Variants in BMPR1B observed in about 807,000 individuals in gnomAD.
BMPR1B encodes the protein bone morphogenetic protein receptor type 1B.
A neutral mutation model predicts 59.1 loss-of-function variants in BMPR1B; 12 were observed. That is an observed-to-expected ratio of 0.20 (90% CI 0.13 to 0.33). The LOEUF (loss-of-function observed/expected upper bound fraction) is 0.33. Among genes scored for constraint, BMPR1B ranks in the 10% least tolerant of loss-of-function variants. The pLI is 1.00. For synonymous variants in BMPR1B, 237 were observed against 207.3 expected (o/e 1.14, Z -1.23); for missense variants, 550 against 610.9 (o/e 0.90, Z 1.05).
chr4:94,822,432 A>G (rs776200393), intron 1 of BMPR1B, among the ~76,000 whole-genome samples: 1 of 152,180 alleles, frequency 6.6e-6, no homozygotes, highest in Non-Finnish European at 1.5e-5. Flanking sequence ...ATATTTCGTG[A>G]TGGTTGGGTA....
intron 2 of BMPR1B, among the ~76,000 whole-genome samples, chr4:94,962,187 G>A (rs1730396149): frequency 6.9e-6 from 1 of 145,328 alleles, no homozygotes; most frequent in South Asian, 2.3e-4. Flanking sequence ...ACCGAGGCTG[G>A]AGTGCGGTAG....
At chr4:94,758,683 TCTC>T (rs923586605) in intron 1 of BMPR1B, among the ~76,000 whole-genome samples, 32 of 152,126 alleles carry the variant, frequency 2.1e-4, no homozygotes, top group Admixed American at 1.6e-3. Context: ...GCCTGTCTCT[TCTC>T]CTCTCTCTCC....
At chr4:95,026,738 TCTCCCTCCCTGC>T (rs1461961017) in intron 3 of BMPR1B, among the ~76,000 whole-genome samples, 1 of 111,672 alleles carries the variant, frequency 9.0e-6, no homozygotes, top group Non-Finnish European at 1.7e-5. Context: ...TCCCCTCCCT[TCTCCCTCCCTGC>T]CTCCCTCTCT....
At chr4:95,063,183 C>T (rs1282570651) in intron 3 of BMPR1B, among the ~76,000 whole-genome samples, 4 of 152,112 alleles carry the variant, frequency 2.6e-5, no homozygotes, top group Admixed American at 2.6e-4. Context: ...CTTATAGTTA[C>T]AATAGCTATT....
At chr4:94,861,470 C>G (rs924730175) in intron 1 of BMPR1B, among the ~76,000 whole-genome samples, 1 of 152,012 alleles carries the variant, frequency 6.6e-6, no homozygotes, top group Non-Finnish European at 1.5e-5. Context: ...TGGTGTATTC[C>G]ATCCATCCTC....
chr4:95,119,364 C>T (rs1216061506), intron 6 of BMPR1B, among the ~76,000 whole-genome samples: 1 of 152,060 alleles, frequency 6.6e-6, no homozygotes, highest in East Asian at 1.9e-4. Flanking sequence ...TATTATGATA[C>T]CTTGAATTTA....
intron 2 of BMPR1B, among the ~76,000 whole-genome samples, chr4:94,971,063 G>A (rs1329392484): frequency 6.6e-6 from 1 of 152,114 alleles, no homozygotes; most frequent in East Asian, 1.9e-4. Context: ...ACCTAAAATG[G>A]TGGTGCAGCA....
intron 3 of BMPR1B, among the ~76,000 whole-genome samples, chr4:95,012,351 TTC>T (rs940289573): frequency 3.3e-5 from 5 of 152,218 alleles, no homozygotes; most frequent in Non-Finnish European, 7.3e-5. Context: ...CTAAGCAGGT[TTC>T]TGTCTAGATG....
At chr4:94,820,427 A>G (rs559759607) in intron 1 of BMPR1B, among the ~76,000 whole-genome samples, 14 of 152,232 alleles carry the variant, frequency 9.2e-5, no homozygotes, top group Admixed American at 7.2e-4. Context: ...CTGTCTTCCC[A>G]GTGGGACTGT....
intron 10 of BMPR1B, among the ~76,000 whole-genome samples, chr4:95,139,701 G>T (rs188739541): frequency 6.6e-6 from 1 of 151,622 alleles, no homozygotes; most frequent in Admixed American, 6.6e-5. Context: ...ATGGGCGTGG[G>T]ACCCTCCGAG....
chr4:95,124,080 C>G (rs1283831253), intron 7 of BMPR1B, among the ~76,000 whole-genome samples, 174 bp downstream of exon 7: 1 of 151,932 alleles, frequency 6.6e-6, no homozygotes, highest in Non-Finnish European at 1.5e-5. Context: ...AATGAAGTTA[C>G]AAATAGATAC....
intron 1 of BMPR1B, among the ~76,000 whole-genome samples, chr4:94,759,989 T>C (rs569067881): frequency 6.6e-6 from 1 of 152,342 alleles, no homozygotes; most frequent in African/African-American, 2.4e-5. Context: ...ATACAGTGTG[T>C]TATTTGTCCA....
chr4:94,972,378 A>G (rs1376518123), intron 2 of BMPR1B, among the ~76,000 whole-genome samples: 8 of 152,176 alleles, frequency 5.3e-5, no homozygotes, highest in Non-Finnish European at 1.2e-4. Flanking sequence ...TAGACACTAT[A>G]AGGGAAAAAT....
intron 2 of BMPR1B, among the ~76,000 whole-genome samples, chr4:94,949,933 C>T (rs540601251): frequency 6.6e-6 from 1 of 152,266 alleles, no homozygotes; most frequent in South Asian, 2.1e-4. Context: ...CCTATTACTC[C>T]ACGTCCTCTC....
chr4:95,073,832 T>C (rs1441894810), intron 3 of BMPR1B, among the ~76,000 whole-genome samples: 1 of 152,180 alleles, frequency 6.6e-6, no homozygotes, highest in Non-Finnish European at 1.5e-5. Flanking sequence ...TAATGTCTAA[T>C]GAATATTTAT....
At chr4:94,982,696 T>TA (rs1721163339) in intron 2 of BMPR1B, among the ~76,000 whole-genome samples, 1 of 151,936 alleles carries the variant, frequency 6.6e-6, no homozygotes, top group Non-Finnish European at 1.5e-5. Flanking sequence ...TCTTTACCAT[T>TA]AAAAAAAATT....
At chr4:94,915,419 C>G (rs528494571) in intron 2 of BMPR1B, among the ~76,000 whole-genome samples, 1 of 152,162 alleles carries the variant, frequency 6.6e-6, no homozygotes, top group Non-Finnish European at 1.5e-5. Context: ...CCAATTCTCA[C>G]CCCTCCTCCC....
chr4:95,081,450 G>C lies in BMPR1B; in HGVS notation c.-17-22958G>C, dbSNP rs112773819. On this transcript the variant is annotated intron_variant, in intron 3 of 12. Coordinates refer to ENST00000515059, the MANE Select transcript of BMPR1B (RefSeq NM_001203.3). ...GCCAGTTCAAGGAAAACAGTTGACA[G>C]TATTTATTGCCAATGATAAAACTCA... Among the ~76,000 whole-genome samples, 1,115 of 152,278 alleles carry C rather than the reference G, an allele frequency of 7.3e-3. 15 individuals are homozygous for C. Among genetic ancestry groups the C allele is most frequent in the African/African-American group, 0.025 (1,038 of 41,558 alleles).
rs1233364068 is a variant in BMPR1B at position 95,158,006 on chromosome 4, CA to C, written c.*3334del. On this transcript the variant is annotated 3_prime_UTR_variant, in exon 13 of 13. Transcript: ENST00000515059. ...TCATGTTCCTACAGTCATACATATTCATTAGAAGTTTTATGTTGTTGGTCTG... is the reference window on the plus strand; with the variant it reads ...TCATGTTCCTACAGTCATACATATTCTTAGAAGTTTTATGTTGTTGGTCTG... The C allele has an allele frequency of 6.6e-6, 1 of 152,118 alleles. No homozygotes were observed. The highest frequency in any genetic ancestry group is 1.5e-5 in the Non-Finnish European group (1 of 68,022). 9.4% of individuals were successfully genotyped at this position (152,118 alleles called of 1,614,324 possible).
Sources: gnomAD v4.1 joint callset for allele counts (sites outside exome capture counted in the v4.1 genomes callset) on GRCh38, gnomAD v4.1.1 for gene constraint, MANE v1.5 for transcripts, NCBI Gene and HGNC (gene_info 2026-07-23, HGNC 2026-07-21) for gene names.